NEGR1: variants seen among roughly 807,000 people sequenced by gnomAD.
NEGR1 encodes the protein neuronal growth regulator 1.
A neutral mutation model predicts 40.9 loss-of-function variants in NEGR1; 10 were observed. That is an observed-to-expected ratio of 0.24 (90% CI 0.15 to 0.42). The LOEUF (loss-of-function observed/expected upper bound fraction) is 0.42. Among genes scored for constraint, NEGR1 ranks in the 10% least tolerant of loss-of-function variants. The probability of loss-of-function intolerance (pLI) is 1.00; values close to 1 mark genes in which losing one functional copy is unlikely to be tolerated. For missense variants in NEGR1, 352 were observed against 438.9 expected (o/e 0.80, Z 1.77); for synonymous variants, 185 against 166.8 (o/e 1.11, Z -0.84).
intron 4 of NEGR1, among the ~76,000 whole-genome samples, chr1:71,618,625 G>A (rs573091482): frequency 6.6e-6 from 1 of 152,006 alleles, no homozygotes; most frequent in Non-Finnish European, 1.5e-5. Context: ...ACATTATGGC[G>A]AGTTGTATAA....
chr1:72,141,620 G>A (rs1433433137), intron 1 of NEGR1, among the ~76,000 whole-genome samples: 1 of 151,998 alleles, frequency 6.6e-6, no homozygotes, highest in Non-Finnish European at 1.5e-5. Context: ...AAGAGTGACA[G>A]TCTGATTAAG....
At chr1:71,727,549 T>G (rs1247926017) in intron 3 of NEGR1, among the ~76,000 whole-genome samples, 1 of 152,154 alleles carries the variant, frequency 6.6e-6, no homozygotes, top group Non-Finnish European at 1.5e-5. Context: ...CAGACTGACT[T>G]GGAAGAGGCA....
chr1:71,909,483 T>C (rs1013735916), intron 2 of NEGR1, among the ~76,000 whole-genome samples: 13 of 152,194 alleles, frequency 8.5e-5, no homozygotes, highest in African/African-American at 2.9e-4. Context: ...ACTTCTAAAT[T>C]CAAGAGAAAT....
chr1:71,865,730 T>A (rs1660092638), intron 2 of NEGR1, among the ~76,000 whole-genome samples: 1 of 152,130 alleles, frequency 6.6e-6, no homozygotes, highest in Non-Finnish European at 1.5e-5. Context: ...TGCACATGTA[T>A]CCCAGAACTT....
chr1:72,113,992 T>C (rs989743545), intron 1 of NEGR1, among the ~76,000 whole-genome samples: 20 of 151,776 alleles, frequency 1.3e-4, no homozygotes, highest in African/African-American at 4.6e-4. Context: ...TAATGTTATG[T>C]TATCATCTAC....
At chr1:71,430,755 G>A (rs1247025869) in intron 6 of NEGR1, among the ~76,000 whole-genome samples, 1 of 141,224 alleles carries the variant, frequency 7.1e-6, no homozygotes, top group Non-Finnish European at 1.5e-5. Flanking sequence ...CACCCAGGCT[G>A]GAGTGCAGTG....
At position 71,670,961 on chromosome 1, in the gene NEGR1, A is replaced by AT. The variant is rs532282791; in HGVS notation, c.667+27046dup. Among the ~76,000 whole-genome samples, 838 of 152,090 alleles carry AT rather than the reference A, an allele frequency of 5.5e-3. 9 individuals are homozygous for AT. Among genetic ancestry groups the AT allele is most frequent in the African/African-American group, 0.019 (796 of 41,492 alleles). ...AGTGGCTTTTTGATGCCTTTAAATA[A>AT]TTTTTTTGGTGAATTTCATTATGAG... On this transcript the variant is annotated intron_variant, in intron 4 of 6. Coordinates refer to ENST00000357731, the MANE Select transcript of NEGR1 (RefSeq NM_173808.3).
intron 2 of NEGR1, among the ~76,000 whole-genome samples, chr1:71,787,645 G>T (rs912677008): frequency 6.6e-6 from 1 of 152,072 alleles, no homozygotes; most frequent in East Asian, 1.9e-4. Context: ...ATAGGAATTA[G>T]AAAAACATGA....
chr1:72,146,748 G>A (rs568225849), intron 1 of NEGR1, among the ~76,000 whole-genome samples: 2 of 152,254 alleles, frequency 1.3e-5, no homozygotes, highest in East Asian at 3.9e-4. Flanking sequence ...TAAGTATGTT[G>A]AATAAGCGTT....
intron 3 of NEGR1, among the ~76,000 whole-genome samples, chr1:71,745,402 A>G (rs1215498769): frequency 6.6e-6 from 1 of 151,990 alleles, no homozygotes; most frequent in Non-Finnish European, 1.5e-5. Context: ...CTAAACATAA[A>G]GCTTTGTTTT....
At chr1:72,017,469 C>T (rs1646721814) in intron 1 of NEGR1, among the ~76,000 whole-genome samples, 1 of 151,986 alleles carries the variant, frequency 6.6e-6, no homozygotes, top group African/African-American at 2.4e-5. Flanking sequence ...TAATTTATTG[C>T]ACCCGCAGAT....
chr1:72,057,171 T>G (rs1271659508), intron 1 of NEGR1, among the ~76,000 whole-genome samples: 1 of 151,602 alleles, frequency 6.6e-6, no homozygotes, highest in Non-Finnish European at 1.5e-5. Context: ...AATGGAAGAA[T>G]AAATAGATGG....
rs1425332581 is a variant in NEGR1, at chr1:71,397,922, C to T, written c.*9524G>A. 2 of 152,276 alleles carry T rather than the reference C, an allele frequency of 1.3e-5. No homozygotes were observed. The highest frequency in any genetic ancestry group is 4.8e-5 in the African/African-American group (2 of 41,466). The allele number at this position is 152,276 out of a possible 1,614,324, so 9.4% of individuals were successfully genotyped here. A position where few individuals can be genotyped will look rare whatever the true frequency, so the allele number is the denominator to read the frequency against. On this transcript the variant is annotated 3_prime_UTR_variant, in exon 7 of 7. Transcript: ENST00000357731. ...ATGTGCAGTCTAGGAACTTGGTGCT[C>T]TGCCTCCCAGTTGCTCCCAGGATGA...
chr1:71,554,112 T>C (rs1467358267), intron 6 of NEGR1, among the ~76,000 whole-genome samples: 1 of 151,508 alleles, frequency 6.6e-6, no homozygotes, highest in Non-Finnish European at 1.5e-5. Context: ...TCAGACATAT[T>C]AGATACTAGG....
At chr1:71,821,907 A>T (rs899134833) in intron 2 of NEGR1, among the ~76,000 whole-genome samples, 2 of 151,868 alleles carry the variant, frequency 1.3e-5, no homozygotes, top group African/African-American at 2.4e-5. Flanking sequence ...ATAATTCAGA[A>T]CCCCATGGCA....
At chr1:72,031,595 A>C (rs1228071291) in intron 1 of NEGR1, among the ~76,000 whole-genome samples, 1 of 152,220 alleles carries the variant, frequency 6.6e-6, no homozygotes, top group Non-Finnish European at 1.5e-5. Flanking sequence ...ATCTGAGAGC[A>C]TCACAAAGCA....
intron 4 of NEGR1, among the ~76,000 whole-genome samples, chr1:71,624,799 T>C (rs1319384248): frequency 6.6e-6 from 1 of 151,910 alleles, no homozygotes; most frequent in Non-Finnish European, 1.5e-5. Flanking sequence ...CCTACCCCCT[T>C]ACTCTCAAAT....
rs1446267871 is a variant in NEGR1 at position 71,690,111 on chromosome 1, TTC to T, written c.667+7895_667+7896del. Among the ~76,000 whole-genome samples, 6 of 152,142 alleles carry T rather than the reference TTC, an allele frequency of 3.9e-5. No individual in the cohort carries two copies. In the East Asian group the frequency reaches 1.2e-3, roughly 29 times the overall value. On this transcript the variant is annotated intron_variant, in intron 4 of 6. Coordinates refer to ENST00000357731, the MANE Select transcript of NEGR1 (RefSeq NM_173808.3). Reference sequence around the variant, plus strand: ...CATACTCTGCCCCTAATCATTCCACTTCTCTCCCTTCACACACATATACACAT... The same window carrying T: ...CATACTCTGCCCCTAATCATTCCACTTCTCCCTTCACACACATATACACAT...
intron 4 of NEGR1, among the ~76,000 whole-genome samples, chr1:71,635,826 G>A (rs555206863): frequency 6.6e-6 from 1 of 152,092 alleles, no homozygotes; most frequent in Admixed American, 6.6e-5. Context: ...TGTCATGGGT[G>A]GGATGAGATT....
Sources: gnomAD v4.1 joint callset for allele counts (sites outside exome capture counted in the v4.1 genomes callset) on GRCh38, gnomAD v4.1.1 for gene constraint, MANE v1.5 for transcripts, NCBI Gene and HGNC (gene_info 2026-07-23, HGNC 2026-07-21) for gene names.